The following CPLANE2 variants were observed in gnomAD, a reference collection of about 807,000 sequenced individuals.
CPLANE2 encodes ciliogenesis and planar polarity effector 2.
A neutral mutation model predicts 20.9 loss-of-function variants in CPLANE2; 24 were observed. That is an observed-to-expected ratio of 1.15 (90% CI 0.83 to 1.61). CPLANE2 has a LOEUF of 1.61. CPLANE2 is among the 40% of genes most tolerant of loss of function. CPLANE2 has a pLI of 0.00. For synonymous variants in CPLANE2, 132 were observed against 144.3 expected, an observed-to-expected ratio of 0.92 and a Z score of 0.61; for missense variants, 330 against 355.1, an observed-to-expected ratio of 0.93 and a Z score of 0.57.
chr1:16,235,878 G>A (rs745620137), intron 1 of CPLANE2, among the ~76,000 whole-genome samples: 10 of 151,988 alleles, frequency 6.6e-5, no homozygotes, highest in Admixed American at 5.9e-4. Context: ...ATGGGGTTTC[G>A]CCATGTTGGC....
chr1:16,233,890 T>G (rs2081444593), intron 1 of CPLANE2, 126 bp from the exon 2 acceptor site: 2 of 997,668 alleles, frequency 2.0e-6, no homozygotes, highest in East Asian at 5.2e-5. Flanking sequence ...TAACACAAGG[T>G]GATCAGCTGC....
At position 16,236,851 on chromosome 1, in the gene CPLANE2, G is replaced by A. The variant is rs1320144445; in HGVS notation, c.-109C>T. On this transcript the variant is annotated 5_prime_UTR_variant, in exon 1 of 5. Coordinates refer to ENST00000375599, the MANE Select transcript of CPLANE2 (RefSeq NM_030907.4). ...CTGTGATCCCTCTTAACTGCCCTCT[G>A]ACTCTCCCGGGGGGCCCCAGAAAGT... 2 of 818,732 alleles carry A rather than the reference G, an allele frequency of 2.4e-6. No homozygotes were observed. The highest frequency in any genetic ancestry group is 2.1e-5 in the Admixed American group (1 of 48,318). The allele number at this position is 818,732 out of a possible 1,614,324, so 50.7% of individuals were successfully genotyped here.
At position 16,231,950 on chromosome 1, in the gene CPLANE2, G is replaced by A. The variant is rs2081422553; in HGVS notation, c.*98C>T. The stretch of plus-strand genomic sequence containing the variant: ...CATCCTCCCTGATCAGGCCATGCTG[G>A]CCAGTCCTCCAGATAGGATCCATGT... On this transcript the variant is annotated 3_prime_UTR_variant, in exon 5 of 5. Coordinates refer to ENST00000375599, the MANE Select transcript of CPLANE2 (RefSeq NM_030907.4). The A allele has an allele frequency of 2.0e-6, 3 of 1,505,190 alleles. No individual in the cohort carries two copies. In the Admixed American group the frequency reaches 5.4e-5, roughly 27 times the overall value. 93.2% of individuals were successfully genotyped at this position (1,505,190 alleles called of 1,614,324 possible).
In CPLANE2 at chr1:16,236,965, C is replaced by A; in HGVS notation, c.-223G>T. 1.9e-6 allele frequency: 1 copy of A among 515,998 alleles called. No individual in the cohort carries two copies. The highest frequency in any genetic ancestry group is 3.2e-5 in the Admixed American group (1 of 30,920). 32.0% of individuals were successfully genotyped at this position (515,998 alleles called of 1,614,324 possible). On this transcript the variant is annotated 5_prime_UTR_variant, in exon 1 of 5. Transcript: ENST00000375599. ...CATGGAGGGTATTCACACAGCCCCT[C>A]TCCCCTTGTCACCTCCGGGGGTCAG... is the stretch of plus-strand genomic sequence containing the variant.
At chr1:16,235,637 C>T (rs894606975) in intron 1 of CPLANE2, among the ~76,000 whole-genome samples, 2 of 151,484 alleles carry the variant, frequency 1.3e-5, no homozygotes, top group Non-Finnish European at 2.9e-5. Flanking sequence ...GTGTTGCCAG[C>T]CATCATGGGA....
rs772082264 is a variant in CPLANE2, at chr1:16,232,244, C to T, written c.581G>A (p.Arg194Gln). 5.0e-6 allele frequency: 8 copies of T among 1,611,260 alleles called. No individual in the cohort carries two copies. The highest frequency in any genetic ancestry group is 4.0e-5 in the African/African-American group (3 of 74,914). The stretch of plus-strand genomic sequence containing the variant: ...TAGCAGGGGCAGCTCCCAGGCCTGC[C>T]GGAAGGCTGTGAGGTCCCGCTCGGG... ...DVPERDLTAF[R>Q]QAWELPLLRV... Residue 194 changes from arginine (R) to glutamine (Q), a missense_variant, in exon 5 of 5, where the codon CGG (arginine) becomes CAG (glutamine). By Grantham distance (43) the Arg-to-Gln change is conservative. Coordinates refer to ENST00000375599, the MANE Select transcript of CPLANE2 (RefSeq NM_030907.4).
chr1:16,236,969 C>G lies in CPLANE2; in HGVS notation c.-227G>C, dbSNP rs2081470447. On this transcript the variant is annotated 5_prime_UTR_variant, in exon 1 of 5. Coordinates refer to ENST00000375599, the MANE Select transcript of CPLANE2 (RefSeq NM_030907.4). Reference sequence around the variant, plus strand: ...GAGGGTATTCACACAGCCCCTCTCCCCTTGTCACCTCCGGGGGTCAGACAG... The same window carrying G: ...GAGGGTATTCACACAGCCCCTCTCCGCTTGTCACCTCCGGGGGTCAGACAG... 2.0e-6 allele frequency: 1 copy of G among 506,262 alleles called. No individual in the cohort carries two copies. Among genetic ancestry groups the G allele is most frequent in the South Asian group, 2.4e-5 (1 of 42,382 alleles). 31.4% of individuals were successfully genotyped at this position (506,262 alleles called of 1,614,324 possible).
intron 2 of CPLANE2, among the ~76,000 whole-genome samples, chr1:16,233,318 G>A (rs2081439350): frequency 2.0e-5 from 3 of 152,326 alleles, no homozygotes; most frequent in East Asian, 1.9e-4. Context: ...TCAACATGGT[G>A]GAACAATCAG....
In CPLANE2 at chr1:16,231,907, G is replaced by C; in HGVS notation, c.*141C>G. The C allele has an allele frequency of 8.1e-7, 1 of 1,227,264 alleles. No homozygotes were observed. Among genetic ancestry groups the C allele is most frequent in the African/African-American group, 1.5e-5 (1 of 66,664 alleles). 76.0% of individuals were successfully genotyped at this position (1,227,264 alleles called of 1,614,324 possible). A position where few individuals can be genotyped will look rare whatever the true frequency, so the allele number is the denominator to read the frequency against. On this transcript the variant is annotated 3_prime_UTR_variant, in exon 5 of 5. Coordinates refer to ENST00000375599, the MANE Select transcript of CPLANE2 (RefSeq NM_030907.4). Reference sequence around the variant, plus strand: ...TCTGCAAGGAAAGCGCTGCTCGCGGGTGGGCCTTCTCTGGCCACATCCTCC... The same window carrying C: ...TCTGCAAGGAAAGCGCTGCTCGCGGCTGGGCCTTCTCTGGCCACATCCTCC...
In CPLANE2 at chr1:16,232,603, AAGG is replaced by A; in HGVS notation, c.431_433del (p.Ser144del). On this transcript the variant is annotated inframe_deletion, in exon 4 of 5. Transcript: ENST00000375599. Reference sequence around the variant, plus strand: ...GTCTTCAAAGGAGGCACGGTCAGTGAAGGAGAAGAGGAAGAGGAAGGCATCTGT... The same window carrying A: ...GTCTTCAAAGGAGGCACGGTCAGTGAAGAAGAGGAAGAGGAAGGCATCTGT... The A allele has an allele frequency of 6.2e-7, 1 of 1,614,124 alleles. No individual in the cohort carries two copies. The highest frequency in any genetic ancestry group is 8.5e-7 in the Non-Finnish European group (1 of 1,180,016).
In CPLANE2 at chr1:16,235,000, A is replaced by C. The variant is rs1416862421; in HGVS notation, c.113-1236T>G. Among the ~76,000 whole-genome samples the C allele has an allele frequency of 2.0e-5, 3 of 152,232 alleles. No homozygotes were observed. In the East Asian group the frequency reaches 5.8e-4, roughly 29 times the overall value. On this transcript the variant is annotated intron_variant, in intron 1 of 4. Transcript: ENST00000375599. ...CAGCCTCCCAAAGTGCTGGGATTAC[A>C]GGCGTGAGCCACCGTGCCCGGCCTC...
chr1:16,233,884 A>T, intron 1 of CPLANE2, 120 bp from the exon 2 acceptor site: 1 of 1,070,456 alleles, frequency 9.3e-7, no homozygotes, highest in Admixed American at 2.3e-5. Flanking sequence ...GGGGCCTAAC[A>T]CAAGGTGATC....
Position 16,231,877 on chromosome 1 carries a change from T to C in CPLANE2, c.*171A>G. The stretch of plus-strand genomic sequence containing the variant: ...GGCCTTGGTCCCCACCTCCCTGCCA[T>C]GAATTCTGCAAGGAAAGCGCTGCTC... On this transcript the variant is annotated 3_prime_UTR_variant, in exon 5 of 5. Transcript: ENST00000375599. 1.0e-6 allele frequency: 1 copy of C among 958,064 alleles called. No individual in the cohort carries two copies. Among genetic ancestry groups the C allele is most frequent in the South Asian group, 1.7e-5 (1 of 58,188 alleles). The allele number at this position is 958,064 out of a possible 1,614,324, so 59.3% of individuals were successfully genotyped here.
chr1:16,233,090 A>G (rs1418262636), intron 2 of CPLANE2, 73 bp from the exon 3 acceptor site: 1 of 1,563,248 alleles, frequency 6.4e-7, no homozygotes, highest in Admixed American at 1.7e-5. Flanking sequence ...CCAGGAAGGA[A>G]TAGGAAGAAG....
rs767921302 is a variant in CPLANE2, at chr1:16,236,671, G to T, written c.72C>A (p.Tyr24Ter). Residue 24 changes from tyrosine to a stop codon, truncating the protein, a stop_gained, in exon 1 of 5, where the codon TAC (tyrosine) becomes TAA (stop). Coordinates refer to ENST00000375599, the MANE Select transcript of CPLANE2 (RefSeq NM_030907.4). LOFTEE classifies it high-confidence loss of function. Reference protein sequence around the residue: ...NWHESAEGKEYLACILRKNRR... With the variant: ...NWHESAEGKE The stretch of plus-strand genomic sequence containing the variant: ...GGTTCTTGCGCAGAATGCAAGCCAG[G>T]TACTCCTTGCCCTCGGCACTCTCGT... 6 of 1,562,624 alleles carry T rather than the reference G, an allele frequency of 3.8e-6. No individual in the cohort carries two copies. Among genetic ancestry groups the T allele is most frequent in the Non-Finnish European group, 4.3e-6 (5 of 1,151,872 alleles).
At chr1:16,234,997 T>G (rs1182720322) in intron 1 of CPLANE2, among the ~76,000 whole-genome samples, 1 of 152,268 alleles carries the variant, frequency 6.6e-6, no homozygotes, top group Non-Finnish European at 1.5e-5. Context: ...GTGCTGGGAT[T>G]ACAGGCGTGA....
At chr1:16,232,398 A>C in intron 4 of CPLANE2, 101 bp from the exon 5 acceptor site, 3 of 1,533,300 alleles carry the variant, frequency 2.0e-6, no homozygotes, top group South Asian at 2.5e-5. Flanking sequence ...GAGCTGGGGT[A>C]GCCATGCTGT....
In CPLANE2 at chr1:16,236,681, C is replaced by T. The variant is rs756310024; in HGVS notation, c.62G>A (p.Gly21Asp). 6.4e-7 allele frequency: 1 copy of T among 1,563,092 alleles called. No individual in the cohort carries two copies. Residue 21 changes from glycine (G) to aspartate (D), a missense_variant, in exon 1 of 5, where the codon GGC becomes GAC. Transcript: ENST00000375599. Reference sequence around the variant, plus strand: ...CAGAATGCAAGCCAGGTACTCCTTGCCCTCGGCACTCTCGTGCCAGTTTGG... The same window carrying T: ...CAGAATGCAAGCCAGGTACTCCTTGTCCTCGGCACTCTCGTGCCAGTTTGG... ...VVPNWHESAE[G>D]KEYLACILRK...
Position 16,231,855 on chromosome 1 carries a change from C to T in CPLANE2, c.*193G>A. On this transcript the variant is annotated 3_prime_UTR_variant, in exon 5 of 5. Transcript: ENST00000375599. ...CACGGGAGATGTTCGAGCTCAGGGC[C>T]TTGGTCCCCACCTCCCTGCCATGAA... The T allele has an allele frequency of 1.3e-6, 1 of 772,432 alleles. No homozygotes were observed. Among genetic ancestry groups the T allele is most frequent in the Admixed American group, 2.9e-5 (1 of 34,348 alleles). 47.8% of individuals were successfully genotyped at this position (772,432 alleles called of 1,614,324 possible). A position where few individuals can be genotyped will look rare whatever the true frequency, so the allele number is the denominator to read the frequency against.
Sources: gnomAD v4.1 joint callset for allele counts (sites outside exome capture counted in the v4.1 genomes callset) on GRCh38, gnomAD v4.1.1 for gene constraint, MANE v1.5 for transcripts, NCBI Gene and HGNC (gene_info 2026-07-23, HGNC 2026-07-21) for gene names.